SUCO: variants seen among roughly 807,000 people sequenced by gnomAD.
The protein encoded by SUCO is SUN domain containing ossification factor, also known as SUN domain-containing ossification factor.
A neutral mutation model predicts 148.1 loss-of-function variants in SUCO; 57 were observed. The observed-to-expected ratio is 0.38, with a 90% CI of 0.31 to 0.48. The LOEUF (loss-of-function observed/expected upper bound fraction) is 0.48. Ranked by LOEUF, SUCO falls within the 20% of genes least tolerant of loss-of-function variation. The pLI, the probability that SUCO is intolerant of heterozygous loss-of-function variation, is 0.96. For synonymous variants in SUCO, 470 were observed against 502.7 expected, an observed-to-expected ratio of 0.93 and a Z score of 0.87; for missense variants, 1,331 against 1,468.2, an observed-to-expected ratio of 0.91 and a Z score of 1.53.
In SUCO at chr1:172,570,081, A is replaced by C. The variant is rs772031767; in HGVS notation, c.891A>C (p.Ser297=). The change falls in exon 8 of 24, where the codon TCA becomes TCC. Residue 297 remains serine, a synonymous_variant. Coordinates refer to ENST00000263688, the MANE Select transcript of SUCO (RefSeq NM_014283.5). The part of the protein sequence containing the change: ...QSMHASSNGG[S]HATKKVQKNR... The stretch of plus-strand genomic sequence containing the variant: ...TGCATGCATCTTCTAATGGAGGTTC[A>C]CATGCCACCAAAAAGGTCCAGAAAA... The C allele has an allele frequency of 3.8e-5, 61 of 1,588,738 alleles. No individual in the cohort carries two copies. The South Asian group carries it at 7.0e-4, about 18-fold the overall frequency.
At chr1:172,564,835 C>G (rs1571219213) in intron 6 of SUCO, among the ~76,000 whole-genome samples, 1 of 152,172 alleles carries the variant, frequency 6.6e-6, no homozygotes, top group Non-Finnish European at 1.5e-5. Flanking sequence ...TTATGTCTCT[C>G]TTTTCTACCT....
At chr1:172,542,697 G>T in intron 1 of SUCO, 2 of 984,424 alleles carry the variant, frequency 2.0e-6, no homozygotes, top group Non-Finnish European at 2.4e-6. Flanking sequence ...CTGGTCTCTG[G>T]TGCCAAAAGG....
rs754115713 is a variant in SUCO, at chr1:172,588,763, T to C, written c.1662T>C (p.Tyr554=). Residue 554 remains tyrosine, a synonymous_variant, in exon 18 of 24, where the codon TAT becomes TAC. Transcript: ENST00000263688. ...ATTATGATATATGTATTTCTAGGTA[T>C]GTAACCACTGAAGTACACACACATG... ...PVSTPVPSPE[Y]VTTEVHTHDM... is the part of the protein sequence containing the mutation. 1 of 1,477,172 alleles carries C rather than the reference T, an allele frequency of 6.8e-7. No homozygotes were observed. Among genetic ancestry groups the C allele is most frequent in the Non-Finnish European group, 9.0e-7 (1 of 1,111,888 alleles). The allele number at this position is 1,477,172 out of a possible 1,614,324, so 91.5% of individuals were successfully genotyped here.
intron 1 of SUCO, among the ~76,000 whole-genome samples, chr1:172,549,635 T>C (rs1653126214): frequency 6.6e-6 from 1 of 152,014 alleles, no homozygotes; most frequent in Admixed American, 6.5e-5. Context: ...TGTTTTCTGC[T>C]TTCTTAATGA....
At chr1:172,548,120 C>T (rs547107149) in intron 1 of SUCO, among the ~76,000 whole-genome samples, 41 of 151,978 alleles carry the variant, frequency 2.7e-4, no homozygotes, top group African/African-American at 9.6e-4. Context: ...TTGATAGATC[C>T]ATTCAAGTTT....
Position 172,610,097 on chromosome 1 carries a change from T to C in SUCO, c.3603T>C (p.Ala1201=). ...AAAAGACAAAAACTGAGAAGAGGGC[T>C]TTAAAACGAAGACGATCTAAAGTCC... ...QSQKTKTEKR[A]LKRRRSKVQD... Residue 1201 remains alanine, a synonymous_variant, in exon 24 of 24, where the codon GCT becomes GCC. Transcript: ENST00000263688. 1 of 1,613,848 alleles carries C rather than the reference T, an allele frequency of 6.2e-7. No individual in the cohort carries two copies. Among genetic ancestry groups the C allele is most frequent in the Non-Finnish European group, 8.5e-7 (1 of 1,179,870 alleles).
chr1:172,595,300 A>G (rs1041992245), intron 19 of SUCO, among the ~76,000 whole-genome samples: 2 of 152,128 alleles, frequency 1.3e-5, no homozygotes, highest in Admixed American at 1.3e-4. Context: ...ATATTGTTAT[A>G]TGTGAATGTG....
In SUCO at chr1:172,611,469, A is replaced by AT. The variant is rs1289583416; in HGVS notation, c.*1211dup. The stretch of plus-strand genomic sequence containing the variant: ...CATTTATTGTTGTGATGTTTAAGTT[A>AT]TAACTTATTGAGCACTTTTAGTAGT... On this transcript the variant is annotated 3_prime_UTR_variant, in exon 24 of 24. Transcript: ENST00000263688. The AT allele has an allele frequency of 2.6e-5, 4 of 152,660 alleles. No individual in the cohort carries two copies. The highest frequency in any genetic ancestry group is 9.6e-5 in the African/African-American group (4 of 41,474). The allele number at this position is 152,660 out of a possible 1,614,324, so 9.5% of individuals were successfully genotyped here. A position where few individuals can be genotyped will look rare whatever the true frequency, so the allele number is the denominator to read the frequency against.
chr1:172,589,454 A>G lies in SUCO; in HGVS notation c.2353A>G (p.Ser785Gly), dbSNP rs78411230. The stretch of plus-strand genomic sequence containing the variant: ...AACAGAACAAAAGTCTGAGAGCTTT[A>G]GTTCTATAGAGAAACCATCTATTAC... ...NETEQKSESF[S>G]SIEKPSITYE... Residue 785 changes from serine (S) to glycine (G), a missense_variant, in exon 18 of 24, where the codon AGT becomes GGT. By Grantham distance (56) the Ser-to-Gly change is moderately conservative. This residue lies in a region of SUCO where 992 missense variants were observed against 1,093.5 expected (regional missense o/e 0.91). Transcript: ENST00000263688. 1.3e-3 allele frequency: 2,035 copies of G among 1,610,932 alleles called. 25 individuals carry two copies. The African/African-American group carries it at 0.023, about 18-fold the overall frequency.
At chr1:172,569,498 A>G in intron 7 of SUCO, 1 of 982,670 alleles carries the variant, frequency 1.0e-6, no homozygotes, top group Non-Finnish European at 1.2e-6. Context: ...ATATTCTTTA[A>G]CTTACCAAAA....
chr1:172,571,744 G>A (rs1185353193), intron 9 of SUCO, among the ~76,000 whole-genome samples: 1 of 41,348 alleles, frequency 2.4e-5, no homozygotes, highest in Non-Finnish European at 4.4e-5. Context: ...GCCTCTACCC[G>A]GGCGCGACCC....
intron 19 of SUCO, among the ~76,000 whole-genome samples, chr1:172,592,998 T>C (rs1437425958): frequency 2.6e-5 from 4 of 152,220 alleles, no homozygotes; most frequent in African/African-American, 9.7e-5. Context: ...ACATCCCTTT[T>C]AAGTTGGATT....
rs111991919 is a variant in SUCO at position 172,577,773 on chromosome 1, C to G, written c.1294C>G (p.Leu432Val). The G allele has an allele frequency of 5.0e-6, 8 of 1,611,708 alleles. No individual in the cohort carries two copies. The African/African-American group carries it at 5.3e-5, about 11-fold the overall frequency. ...TGCTTTTATTCTTTAGGTTGAGTTG[C>G]TATCACATTTTGGATCAGAGCACTT... ...MFIKYIKVEL[L>V]SHFGSEHFCP... The change falls in exon 13 of 24, where the codon CTA becomes GTA. Residue 432 changes from leucine (L) to valine (V), a missense_variant. Transcript: ENST00000263688.
chr1:172,547,665 A>T (rs905083971), intron 1 of SUCO, among the ~76,000 whole-genome samples: 4 of 152,238 alleles, frequency 2.6e-5, no homozygotes, highest in African/African-American at 9.6e-5. Flanking sequence ...TCCAAGTTAA[A>T]TGATACTGAA....
intron 1 of SUCO, among the ~76,000 whole-genome samples, chr1:172,537,410 C>T (rs1652107221): frequency 6.6e-6 from 1 of 152,090 alleles, no homozygotes; most frequent in Admixed American, 6.6e-5. Flanking sequence ...GCTTCAACTA[C>T]TTAGGAGTCA....
Position 172,591,152 on chromosome 1 carries a change from T to A in SUCO, c.2913+81T>A, listed in dbSNP as rs578217945. ...GGGTCTCACTGGTAAACAGTAAGTATTGTAGTTTCACTTTTTCCCCCTGCT... is the reference window on the plus strand; with the variant it reads ...GGGTCTCACTGGTAAACAGTAAGTAATGTAGTTTCACTTTTTCCCCCTGCT... On this transcript the variant is annotated intron_variant, in intron 19 of 23. Coordinates refer to ENST00000263688, the MANE Select transcript of SUCO (RefSeq NM_014283.5). 3 of 1,049,766 alleles carry A rather than the reference T, an allele frequency of 2.9e-6. No individual in the cohort carries two copies. In the South Asian group the frequency reaches 4.9e-5, roughly 17 times the overall value. The allele number at this position is 1,049,766 out of a possible 1,614,324, so 65.0% of individuals were successfully genotyped here. A position where few individuals can be genotyped will look rare whatever the true frequency, so the allele number is the denominator to read the frequency against.
At chr1:172,532,992 G>T, upstream of SUCO, 12 of 1,403,696 alleles carry the variant, frequency 8.5e-6, no homozygotes, top group Non-Finnish European at 1.1e-5. Flanking sequence ...GGCTGGTGGG[G>T]GTGCGGGCGC....
At chr1:172,542,919 T>C in intron 1 of SUCO, 1 of 985,360 alleles carries the variant, frequency 1.0e-6, no homozygotes, top group Non-Finnish European at 1.2e-6. Context: ...TGAGAAACTT[T>C]TCAAAAGAGG....
upstream of SUCO, chr1:172,532,372 C>G: frequency 1.1e-6 from 1 of 902,368 alleles, no homozygotes; most frequent in Non-Finnish European, 1.7e-6. Flanking sequence ...ACCAACAGAA[C>G]GAAAAGCAAC....
Sources: gnomAD v4.1 joint callset for allele counts (sites outside exome capture counted in the v4.1 genomes callset) on GRCh38, gnomAD v4.1.1 for gene constraint, gnomAD v4.1.1 regional missense constraint, MANE v1.5 for transcripts, NCBI Gene and HGNC (gene_info 2026-07-23, HGNC 2026-07-21) for gene names.